ENOX1: variants seen among roughly 807,000 people sequenced by gnomAD.
ENOX1 encodes the protein candidate growth-related and time keeping constitutive hydroquinone (NADH) oxidase.
In ENOX1, 42 loss-of-function variants were observed where a neutral mutation model predicts 82.5. The ratio of observed to expected loss-of-function variants is 0.51; its 90% CI spans 0.40 to 0.66. The LOEUF (loss-of-function observed/expected upper bound fraction) is 0.66, where lower values mean the gene tolerates loss of function less well. ENOX1 is among the 30% of genes least tolerant of loss of function. The pLI, the probability that ENOX1 is intolerant of heterozygous loss-of-function variation, is 0.00. For synonymous variants in ENOX1, 271 were observed against 282.2 expected (o/e 0.96, Z 0.40); for missense variants, 608 against 811.6 (o/e 0.75, Z 3.05).
At chr13:43,709,134 G>C (rs2087516627) in intron 1 of ENOX1, among the ~76,000 whole-genome samples, 1 of 152,036 alleles carries the variant, frequency 6.6e-6, no homozygotes, top group African/African-American at 2.4e-5. Flanking sequence ...AAAAGAAATA[G>C]AACCTTGAGA....
At chr13:43,542,416 G>A (rs2078777007) in intron 2 of ENOX1, among the ~76,000 whole-genome samples, 1 of 146,438 alleles carries the variant, frequency 6.8e-6, no homozygotes, top group Non-Finnish European at 1.5e-5. Flanking sequence ...ATAGGCTTAA[G>A]CCACTGTGCC....
intron 12 of ENOX1, among the ~76,000 whole-genome samples, chr13:43,290,760 C>G (rs1415651485): frequency 1.3e-5 from 2 of 152,240 alleles, no homozygotes; most frequent in Non-Finnish European, 2.9e-5. Flanking sequence ...GGTGCAGCGG[C>G]TCCCGCCTGT....
chr13:43,251,406 C>T (rs1026295685), intron 14 of ENOX1, among the ~76,000 whole-genome samples: 4 of 152,172 alleles, frequency 2.6e-5, no homozygotes, highest in African/African-American at 7.2e-5. Flanking sequence ...AATCATCAAT[C>T]GATGAGTGTT....
rs1467325180 is a variant in ENOX1, at chr13:43,616,184, ATC to A, written c.-219+51293_-219+51294del. Among the ~76,000 whole-genome samples the A allele has an allele frequency of 1.9e-3, 21 of 10,780 alleles. 2 individuals are homozygous for A. The highest frequency in any genetic ancestry group is 2.2e-3 in the African/African-American group (21 of 9,396). 7.1% of individuals were successfully genotyped at this position (10,780 alleles called of 152,430 possible). On this transcript the variant is annotated intron_variant, in intron 2 of 16. Transcript: ENST00000690772. ...TATCTATCTATCTATCTATCTATCT[ATC>A]TATATATATATATATATATTTTTTT...
chr13:43,225,799 T>C (rs1450709836), intron 15 of ENOX1, among the ~76,000 whole-genome samples: 1 of 152,196 alleles, frequency 6.6e-6, no homozygotes, highest in African/African-American at 2.4e-5. Context: ...CCAGGGCTTC[T>C]AGAGGATGAC....
chr13:43,506,819 C>T (rs138985040), intron 2 of ENOX1, among the ~76,000 whole-genome samples: 1,675 of 148,864 alleles, frequency 0.011, 42 homozygotes, highest in African/African-American at 0.04. Flanking sequence ...GGGAACATCA[C>T]ACAACGGGGA....
At chr13:43,662,857 T>C (rs1566729708) in intron 2 of ENOX1, among the ~76,000 whole-genome samples, 1 of 152,230 alleles carries the variant, frequency 6.6e-6, no homozygotes, top group East Asian at 1.9e-4. Flanking sequence ...ACTTGTGATA[T>C]ATGAGAAGCA....
chr13:43,716,249 C>G (rs964224372), intron 1 of ENOX1, among the ~76,000 whole-genome samples: 49 of 152,020 alleles, frequency 3.2e-4, no homozygotes, highest in Non-Finnish European at 5.7e-4. Flanking sequence ...TGTGGATGTC[C>G]TTTCTGTTTG....
chr13:43,566,676 A>G (rs996837659), intron 2 of ENOX1, among the ~76,000 whole-genome samples: 32 of 152,040 alleles, frequency 2.1e-4, no homozygotes, highest in Middle Eastern at 3.4e-3. Flanking sequence ...AAGAACTTTG[A>G]GTTATTTGTA....
intron 2 of ENOX1, among the ~76,000 whole-genome samples, chr13:43,571,417 G>A (rs1017653640): frequency 2.0e-5 from 3 of 152,026 alleles, no homozygotes; most frequent in African/African-American, 7.2e-5. Context: ...GGTGGCTTAC[G>A]CCTGTAATCC....
intron 13 of ENOX1, among the ~76,000 whole-genome samples, chr13:43,268,912 A>G (rs1467893573): frequency 1.3e-5 from 2 of 152,192 alleles, no homozygotes; most frequent in African/African-American, 4.8e-5. Flanking sequence ...CTGTAAGACA[A>G]TACTTTCCAA....
chr13:43,449,191 A>G (rs1275905233), intron 3 of ENOX1, among the ~76,000 whole-genome samples: 1 of 152,158 alleles, frequency 6.6e-6, no homozygotes, highest in Non-Finnish European at 1.5e-5. Context: ...TAAATAAGTC[A>G]TTATTTCACG....
Position 43,229,108 on chromosome 13 carries a change from A to AG in ENOX1, c.1715-4971dup, listed in dbSNP as rs1450745827. On this transcript the variant is annotated intron_variant, in intron 15 of 16. Transcript: ENST00000690772. The stretch of plus-strand genomic sequence containing the variant: ...TCTCGTGAGATCTGATGGTTTTATA[A>AG]GGGGAAACTTCTTTCACTTGGTTCT... Among the ~76,000 whole-genome samples the AG allele has an allele frequency of 3.3e-5, 5 of 152,308 alleles. No homozygotes were observed. The East Asian group carries it at 9.6e-4, about 29-fold the overall frequency.
At chr13:43,399,774 G>T (rs772864714) in intron 5 of ENOX1, among the ~76,000 whole-genome samples, 1 of 152,152 alleles carries the variant, frequency 6.6e-6, no homozygotes, top group Non-Finnish European at 1.5e-5. Flanking sequence ...TGCAGAGACA[G>T]TTCCTCAATG....
At chr13:43,774,858 T>G (rs1951825575) in intron 1 of ENOX1, among the ~76,000 whole-genome samples, 1 of 151,246 alleles carries the variant, frequency 6.6e-6, no homozygotes, top group Non-Finnish European at 1.5e-5. Context: ...TTCTTTTTTC[T>G]TTTTTTTTGA....
At chr13:43,651,145 T>C (rs964611701) in intron 2 of ENOX1, among the ~76,000 whole-genome samples, 11 of 151,796 alleles carry the variant, frequency 7.2e-5, no homozygotes, top group African/African-American at 2.7e-4. Context: ...AATGATACAA[T>C]CAAGCCTAGG....
At chr13:43,268,239 A>C (rs552992216) in intron 13 of ENOX1, among the ~76,000 whole-genome samples, 1 of 152,282 alleles carries the variant, frequency 6.6e-6, no homozygotes, top group South Asian at 2.1e-4. Context: ...ATTTGGAGCA[A>C]ATTTGGACCA....
intron 9 of ENOX1, among the ~76,000 whole-genome samples, chr13:43,338,871 G>C (rs945951526): frequency 5.9e-5 from 9 of 151,910 alleles, no homozygotes; most frequent in East Asian, 1.9e-4. Flanking sequence ...ATTTTTAGTA[G>C]AGACGGGGTT....
At chr13:43,725,470 A>G (rs995831345) in intron 1 of ENOX1, among the ~76,000 whole-genome samples, 2 of 152,198 alleles carry the variant, frequency 1.3e-5, no homozygotes, top group Non-Finnish European at 2.9e-5. Context: ...CTAAAGAGTT[A>G]AAACAGTATC....
Sources: gnomAD v4.1 joint callset for allele counts (sites outside exome capture counted in the v4.1 genomes callset) on GRCh38, gnomAD v4.1.1 for gene constraint, MANE v1.5 for transcripts, NCBI Gene and HGNC (gene_info 2026-07-23, HGNC 2026-07-21) for gene names.